DRC11: variants seen among roughly 807,000 people sequenced by gnomAD.
The protein encoded by DRC11 is dynein regulatory complex subunit 11, also known as IQ and AAA domain-containing protein 1.
the DRC11 span, among the ~76,000 whole-genome samples, chr2:236,309,010 C>T: frequency 6.6e-6 from 1 of 152,216 alleles, no homozygotes; most frequent in African/African-American, 2.4e-5. The surrounding 1 kb of genome is among the most constrained non-coding windows in gnomAD (Gnocchi z 5.7). Context: ...AAGTCTTTCT[C>T]TTCCTTTCCG....
the DRC11 span, chr2:236,454,679 T>C: frequency 6.6e-6 from 1 of 152,228 alleles, no homozygotes; most frequent in African/African-American, 2.4e-5. The surrounding 1 kb of genome is among the most constrained non-coding windows in gnomAD (Gnocchi z 5.3). Context: ...AAAGAATACA[T>C]ACAGCCATGG....
chr2:236,435,924 A>C, the DRC11 span, among the ~76,000 whole-genome samples: 1 of 143,458 alleles, frequency 7.0e-6, no homozygotes, highest in African/African-American at 2.7e-5. Flanking sequence ...TAAATTCCTC[A>C]AAGAGCATTT....
At chr2:236,348,840 C>T in the DRC11 span, among the ~76,000 whole-genome samples, 1 of 152,158 alleles carries the variant, frequency 6.6e-6, no homozygotes, top group Admixed American at 6.6e-5. The surrounding 1 kb of genome is among the most constrained non-coding windows in gnomAD (Gnocchi z 7.4). Flanking sequence ...TTTCTCTGCA[C>T]TCTCTCAATA....
At chr2:236,379,355 A>T in the DRC11 span, among the ~76,000 whole-genome samples, 2 of 122,754 alleles carry the variant, frequency 1.6e-5, no homozygotes, top group Non-Finnish European at 3.5e-5. Context: ...GGGGAGCGAC[A>T]GGACCAAGGG....
chr2:236,328,077 A>C, the DRC11 span, among the ~76,000 whole-genome samples: 1 of 151,986 alleles, frequency 6.6e-6, no homozygotes, highest in Non-Finnish European at 1.5e-5. The surrounding 1 kb of genome is among the most constrained non-coding windows in gnomAD (Gnocchi z 6.7). Context: ...AGTCTCTTTC[A>C]GAATGTCCTT....
the DRC11 span, among the ~76,000 whole-genome samples, chr2:236,376,271 G>A: frequency 1.2e-4 from 19 of 152,184 alleles, no homozygotes; most frequent in Admixed American, 3.9e-4. This position sits in a 1 kb window ranked among gnomAD's most constrained non-coding sequence, Gnocchi z 5.7. Context: ...GAAAGATGGC[G>A]GAAGGCTGGG....
the DRC11 span, among the ~76,000 whole-genome samples, chr2:236,469,267 G>A: frequency 1.6e-4 from 24 of 152,188 alleles, no homozygotes; most frequent in South Asian, 1.2e-3. This position sits in a 1 kb window ranked among gnomAD's most constrained non-coding sequence, Gnocchi z 5.8. Context: ...GTGCAGTGGC[G>A]CGATCTCAGC....
At chr2:236,399,315 GA>G in the DRC11 span, 17 of 975,002 alleles carry the variant, frequency 1.7e-5, no homozygotes, top group Non-Finnish European at 2.8e-5. The surrounding 1 kb of genome is among the most constrained non-coding windows in gnomAD (Gnocchi z 7.0). Flanking sequence ...GAGACAGGCA[GA>G]ATGTCTCGGT....
chr2:236,386,392 A>T, the DRC11 span, among the ~76,000 whole-genome samples: 775 of 152,208 alleles, frequency 5.1e-3, 21 homozygotes, highest in East Asian at 3.7e-3. Flanking sequence ...TAGTCTTGGG[A>T]GAATGTATGT....
the DRC11 span, among the ~76,000 whole-genome samples, chr2:236,433,748 A>T: frequency 2.0e-5 from 3 of 152,316 alleles, no homozygotes; most frequent in Non-Finnish European, 4.4e-5. Context: ...TTAGAACACT[A>T]GAAAGGGGAT....
chr2:236,487,981 A>T, the DRC11 span: 20 of 1,520,020 alleles, frequency 1.3e-5, no homozygotes, highest in Non-Finnish European at 1.8e-5. Flanking sequence ...CCCCAACTCC[A>T]GGAGCCCTAG....
chr2:236,444,062 T>G, the DRC11 span, among the ~76,000 whole-genome samples: 1 of 152,180 alleles, frequency 6.6e-6, no homozygotes, highest in African/African-American at 2.4e-5. Flanking sequence ...TATATTTGTT[T>G]AAGTTCCTTG....
chr2:236,492,123 G>A, the DRC11 span, among the ~76,000 whole-genome samples: 2 of 152,192 alleles, frequency 1.3e-5, no homozygotes, highest in African/African-American at 4.8e-5. Flanking sequence ...GGACTTCCAA[G>A]CCTCCAGAAC....
chr2:236,340,963 G>A, the DRC11 span, among the ~76,000 whole-genome samples: 1 of 152,090 alleles, frequency 6.6e-6, no homozygotes, highest in African/African-American at 2.4e-5. Flanking sequence ...TGTTATGCAC[G>A]AGACCTGTGC....
chr2:236,307,965 G>A, the DRC11 span, among the ~76,000 whole-genome samples: 3 of 152,048 alleles, frequency 2.0e-5, no homozygotes, highest in African/African-American at 4.8e-5. The surrounding 1 kb of genome is among the most constrained non-coding windows in gnomAD (Gnocchi z 7.0). Context: ...GTCCTCGTGT[G>A]CTTGCAGTGA....
chr2:236,340,509 G>A, the DRC11 span, among the ~76,000 whole-genome samples: 1 of 152,158 alleles, frequency 6.6e-6, no homozygotes, highest in Non-Finnish European at 1.5e-5. Flanking sequence ...AGGGTGGTGA[G>A]AAGAGACTTG....
chr2:236,336,478 C>T, the DRC11 span, among the ~76,000 whole-genome samples: 9 of 105,374 alleles, frequency 8.5e-5, no homozygotes, highest in South Asian at 2.7e-4. The surrounding 1 kb of genome is among the most constrained non-coding windows in gnomAD (Gnocchi z 7.3). Context: ...ACTGCCACCA[C>T]GGCCACCACC....
chr2:236,438,512 G>A, the DRC11 span, among the ~76,000 whole-genome samples: 7 of 151,470 alleles, frequency 4.6e-5, no homozygotes, highest in African/African-American at 1.7e-4. Flanking sequence ...GGATGGCATT[G>A]AATCTGTAAA....
the DRC11 span, among the ~76,000 whole-genome samples, chr2:236,405,221 T>C: frequency 6.6e-6 from 1 of 152,088 alleles, no homozygotes; most frequent in East Asian, 1.9e-4. This position sits in a 1 kb window ranked among gnomAD's most constrained non-coding sequence, Gnocchi z 4.6. Flanking sequence ...GCCTCCGCCA[T>C]TTTCCATCTC....
Sources: gnomAD v4.1 joint callset for allele counts (sites outside exome capture counted in the v4.1 genomes callset) on GRCh38, gnomAD v4.1.1 for gene constraint, Gnocchi (gnomAD v3.1) non-coding constraint, MANE v1.5 for transcripts, NCBI Gene and HGNC (gene_info 2026-07-23, HGNC 2026-07-21) for gene names.